AHRR: variants seen among roughly 807,000 people sequenced by gnomAD.
The protein encoded by AHRR is aryl hydrocarbon receptor repressor, also known as ahR repressor.
A neutral mutation model predicts 44.0 loss-of-function variants in AHRR; 28 were observed. The ratio of observed to expected loss-of-function variants is 0.64; its 90% CI spans 0.47 to 0.87. The LOEUF (loss-of-function observed/expected upper bound fraction) is 0.87. Among genes scored for constraint, AHRR ranks in the 40% least tolerant of loss-of-function variants. AHRR has a pLI of 0.00. For synonymous variants in AHRR, 434 were observed against 407.0 expected (o/e 1.07, Z -0.80); for missense variants, 990 against 953.9 (o/e 1.04, Z -0.50).
chr5:375,051 C>A (rs566196978), intron 3 of AHRR, among the ~76,000 whole-genome samples: 3 of 152,156 alleles, frequency 2.0e-5, no homozygotes, highest in African/African-American at 4.8e-5. Context: ...TGGATGCCTT[C>A]CTGGAAGTCC....
At chr5:336,024 G>T in intron 1 of AHRR, among the ~76,000 whole-genome samples, 1 of 152,212 alleles carries the variant, frequency 6.6e-6, no homozygotes, top group East Asian at 1.9e-4. Context: ...GGCACTGCTT[G>T]TACCAGGAAC....
intron 5 of AHRR, among the ~76,000 whole-genome samples, chr5:417,987 T>A (rs753533141): frequency 1.2e-4 from 19 of 152,248 alleles, no homozygotes; most frequent in Non-Finnish European, 2.2e-4. Context: ...TATATTTTAG[T>A]TGCCATTGAC....
rs1204649845 is a variant in AHRR, at chr5:395,746, G to A, written c.352-17598G>A. 1.3e-5 allele frequency among the ~76,000 whole-genome samples: 2 copies of A among 152,238 alleles called. No homozygotes were observed. Among genetic ancestry groups the A allele is most frequent in the Admixed American group, 6.5e-5 (1 of 15,284 alleles). ...TTAACAAGTGGGGAGACACTCCTCC[G>A]CCACAGGCTGCTGTCCTAAAGAAAG... On this transcript the variant is annotated intron_variant, in intron 4 of 10. Coordinates refer to ENST00000684583, the MANE Select transcript of AHRR (RefSeq NM_001377236.1). The surrounding 1 kb of genome is among the most constrained non-coding windows in gnomAD (Gnocchi z 5.3).
Position 326,812 on chromosome 5 carries a change from A to C in AHRR, c.-11+4993A>C, listed in dbSNP as rs546228209. On this transcript the variant is annotated intron_variant, in intron 1 of 10. Coordinates refer to ENST00000684583, the MANE Select transcript of AHRR (RefSeq NM_001377236.1). This position sits in a 1 kb window ranked among gnomAD's most constrained non-coding sequence, Gnocchi z 4.1. ...CATGGTTCACGCCTGTAATCCCTGC[A>C]CTTTGGGAGGCTGAGGCAGGCGGAT... 6.6e-6 allele frequency among the ~76,000 whole-genome samples: 1 copy of C among 152,192 alleles called. No individual in the cohort carries two copies. The highest frequency in any genetic ancestry group is 6.5e-5 in the Admixed American group (1 of 15,278).
chr5:348,040 G>A (rs1742738151), intron 2 of AHRR, among the ~76,000 whole-genome samples: 1 of 152,250 alleles, frequency 6.6e-6, no homozygotes, highest in African/African-American at 2.4e-5. Context: ...TCTAGAACCT[G>A]CCCCTGAGAG....
rs1252095937 is a variant in AHRR, at chr5:387,136, A to G, written c.351+10420A>G. 6.6e-6 allele frequency among the ~76,000 whole-genome samples: 1 copy of G among 152,166 alleles called. No homozygotes were observed. The highest frequency in any genetic ancestry group is 1.5e-5 in the Non-Finnish European group (1 of 68,032). On this transcript the variant is annotated intron_variant, in intron 4 of 10. Transcript: ENST00000684583. The surrounding 1 kb of genome is among the most constrained non-coding windows in gnomAD (Gnocchi z 5.1). ...CACAGGTTCACGTCAGTGCAGCTCA[A>G]AGTGCTTTACGCTGTGTCTCTGGTG... is the stretch of plus-strand genomic sequence containing the variant.
chr5:328,907 T>C (rs907130017), intron 1 of AHRR, among the ~76,000 whole-genome samples: 10 of 152,208 alleles, frequency 6.6e-5, no homozygotes, highest in Admixed American at 6.5e-4. Context: ...ACCCATACTA[T>C]AGTCTGTGGT....
intron 4 of AHRR, among the ~76,000 whole-genome samples, chr5:399,426 T>A (rs1384148385): frequency 6.6e-6 from 1 of 152,230 alleles, no homozygotes; most frequent in Non-Finnish European, 1.5e-5. Context: ...TTTAAAAGCA[T>A]AAGTTTTGTT....
In AHRR at chr5:321,915, G is replaced by C. The variant is rs899077756; in HGVS notation, c.-11+96G>C. On this transcript the variant is annotated intron_variant, in intron 1 of 10. Coordinates refer to ENST00000684583, the MANE Select transcript of AHRR (RefSeq NM_001377236.1). This position sits in a 1 kb window ranked among gnomAD's most constrained non-coding sequence, Gnocchi z 8.3. Reference sequence around the variant, plus strand: ...GGTGTGGGGCTGAGGGACGGGCGCCGGCGTCGGGACCCTCCTCACGCCGCA... The same window carrying C: ...GGTGTGGGGCTGAGGGACGGGCGCCCGCGTCGGGACCCTCCTCACGCCGCA... 5 of 151,992 alleles carry C rather than the reference G, an allele frequency of 3.3e-5. No individual in the cohort carries two copies. The allele number at this position is 151,992 out of a possible 1,614,324, so 9.4% of individuals were successfully genotyped here.
chr5:379,774 G>A (rs947076312), intron 4 of AHRR, among the ~76,000 whole-genome samples: 19 of 152,060 alleles, frequency 1.2e-4, no homozygotes, highest in African/African-American at 3.9e-4. Flanking sequence ...ATATTTTCTC[G>A]TAGTCTGTGG....
intron 3 of AHRR, among the ~76,000 whole-genome samples, chr5:375,651 C>T (rs1743754327): frequency 6.6e-6 from 1 of 152,226 alleles, no homozygotes; most frequent in Non-Finnish European, 1.5e-5. Flanking sequence ...AGCTGAGGAT[C>T]CGGGAGACGC....
At chr5:424,901 C>T (rs1277652594) in intron 7 of AHRR, among the ~76,000 whole-genome samples, 1 of 152,240 alleles carries the variant, frequency 6.6e-6, no homozygotes, top group African/African-American at 2.4e-5. Flanking sequence ...GTCCCAGAGC[C>T]CTGCCCACCT....
At chr5:426,749 G>T (rs1736419271) in intron 7 of AHRR, among the ~76,000 whole-genome samples, 2 of 150,372 alleles carry the variant, frequency 1.3e-5, no homozygotes, top group African/African-American at 4.9e-5. Context: ...ATGGATGGAT[G>T]GGAAGATGAT....
intron 4 of AHRR, among the ~76,000 whole-genome samples, chr5:393,573 C>G (rs930263347): frequency 6.6e-6 from 1 of 152,136 alleles, no homozygotes; most frequent in African/African-American, 2.4e-5. Flanking sequence ...TGGGTCTGCT[C>G]TTTCCTGGAG....
At chr5:420,300 TA>T (rs1299271698) in intron 5 of AHRR, among the ~76,000 whole-genome samples, 1 of 152,196 alleles carries the variant, frequency 6.6e-6, no homozygotes, top group African/African-American at 2.4e-5. Flanking sequence ...CAGCATTCCT[TA>T]CTAGCCCCTG....
chr5:355,429 C>A, intron 3 of AHRR, among the ~76,000 whole-genome samples: 1 of 152,202 alleles, frequency 6.6e-6, no homozygotes, highest in Non-Finnish European at 1.5e-5. Context: ...GTCTGGACAG[C>A]GCAGGAAGGG....
At chr5:389,019 G>C (rs1446363703) in intron 4 of AHRR, among the ~76,000 whole-genome samples, 1 of 152,172 alleles carries the variant, frequency 6.6e-6, no homozygotes, top group African/African-American at 2.4e-5. Flanking sequence ...GCTGTCCTGG[G>C]GGCCCTGCTG....
rs1400428657 is a variant in AHRR at position 370,798 on chromosome 5, T to G, written c.245-5812T>G. ...GAGGGGGGCACGTTCCCATCATGCTTGTCCGACCTCCCTGGGTGGCTGGAG... is the reference window on the plus strand; with the variant it reads ...GAGGGGGGCACGTTCCCATCATGCTGGTCCGACCTCCCTGGGTGGCTGGAG... On this transcript the variant is annotated intron_variant, in intron 3 of 10. Coordinates refer to ENST00000684583, the MANE Select transcript of AHRR (RefSeq NM_001377236.1). The surrounding 1 kb of genome is among the most constrained non-coding windows in gnomAD (Gnocchi z 4.5). Among the ~76,000 whole-genome samples, 1 of 151,918 alleles carries G rather than the reference T, an allele frequency of 6.6e-6. No homozygotes were observed. Among genetic ancestry groups the G allele is most frequent in the Non-Finnish European group, 1.5e-5 (1 of 67,970 alleles).
intron 1 of AHRR, chr5:322,641 T>C (rs920448324): frequency 6.6e-6 from 1 of 152,194 alleles, no homozygotes; most frequent in African/African-American, 2.4e-5. Flanking sequence ...CCGTCACCCA[T>C]TTTACGAACG....
Sources: gnomAD v4.1 joint callset for allele counts (sites outside exome capture counted in the v4.1 genomes callset) on GRCh38, gnomAD v4.1.1 for gene constraint, Gnocchi (gnomAD v3.1) non-coding constraint, MANE v1.5 for transcripts, NCBI Gene and HGNC (gene_info 2026-07-23, HGNC 2026-07-21) for gene names.